Variants in SEMA3C observed in about 807,000 individuals in gnomAD.
SEMA3C encodes semaphorin-3C.
A neutral mutation model predicts 89.4 loss-of-function variants in SEMA3C; 47 were observed. The ratio of observed to expected loss-of-function variants is 0.53; its 90% CI spans 0.42 to 0.67. The LOEUF is 0.67. SEMA3C is among the 30% of genes least tolerant of loss of function. The probability of loss-of-function intolerance (pLI) is 0.00; values close to 1 mark genes in which losing one functional copy is unlikely to be tolerated. For missense variants in SEMA3C, 839 were observed against 929.1 expected (o/e 0.90, Z 1.26); for synonymous variants, 310 against 320.2 (o/e 0.97, Z 0.34).
At chr7:80,866,530 G>T (rs1412868451) in intron 2 of SEMA3C, among the ~76,000 whole-genome samples, 1 of 152,050 alleles carries the variant, frequency 6.6e-6, no homozygotes, top group African/African-American at 2.4e-5. Context: ...TGTGTCACTT[G>T]GTTAAGGCAT....
chr7:80,793,241 A>G (rs1216480866), intron 11 of SEMA3C: 1 of 188,834 alleles, frequency 5.3e-6, no homozygotes, highest in East Asian at 1.7e-4. Context: ...TAAGAATGCC[A>G]TGTTAGGAAA....
At chr7:80,863,749 C>T (rs527905443) in intron 2 of SEMA3C, among the ~76,000 whole-genome samples, 1 of 132,836 alleles carries the variant, frequency 7.5e-6, no homozygotes, top group South Asian at 2.4e-4. Context: ...TAGTAGTATT[C>T]CATCATATAT....
chr7:80,855,248 A>T (rs1337320215), intron 2 of SEMA3C, among the ~76,000 whole-genome samples: 2 of 152,116 alleles, frequency 1.3e-5, no homozygotes, highest in Non-Finnish European at 2.9e-5. Flanking sequence ...TCCTTGGAAA[A>T]CTATAATGGA....
chr7:80,765,889 G>A (rs541335765), intron 12 of SEMA3C, among the ~76,000 whole-genome samples: 52 of 152,162 alleles, frequency 3.4e-4, no homozygotes, highest in Non-Finnish European at 6.9e-4. Context: ...CAATACATAA[G>A]TTTAAGTTTG....
At chr7:80,913,661 G>C (rs1415196495) in intron 2 of SEMA3C, among the ~76,000 whole-genome samples, 1 of 152,126 alleles carries the variant, frequency 6.6e-6, no homozygotes, top group East Asian at 1.9e-4. Flanking sequence ...AATTACAAAA[G>C]AAAATATTAG....
chr7:80,902,574 T>C (rs1791907786), intron 2 of SEMA3C, among the ~76,000 whole-genome samples: 1 of 152,166 alleles, frequency 6.6e-6, no homozygotes, highest in South Asian at 2.1e-4. Context: ...AACTATAAAT[T>C]TCCATGGTCC....
At chr7:80,854,259 C>T (rs1790583060) in intron 2 of SEMA3C, among the ~76,000 whole-genome samples, 1 of 152,188 alleles carries the variant, frequency 6.6e-6, no homozygotes, top group African/African-American at 2.4e-5. Flanking sequence ...ATTTGTTCTT[C>T]TTTGCCCAGA....
chr7:80,789,690 T>A (rs1344876131), intron 11 of SEMA3C, among the ~76,000 whole-genome samples, 162 bp from the exon 12 acceptor site: 1 of 152,214 alleles, frequency 6.6e-6, no homozygotes, highest in Non-Finnish European at 1.5e-5. Flanking sequence ...TGTTTTACTA[T>A]CTGTAGATGA....
intron 2 of SEMA3C, among the ~76,000 whole-genome samples, chr7:80,851,176 A>T (rs945701083): frequency 6.6e-6 from 1 of 152,060 alleles, no homozygotes; most frequent in African/African-American, 2.4e-5. Context: ...TCAAGAGCTT[A>T]AATTTATTCA....
chr7:80,902,201 C>G (rs994008383), intron 2 of SEMA3C, among the ~76,000 whole-genome samples: 1 of 152,172 alleles, frequency 6.6e-6, no homozygotes, highest in African/African-American at 2.4e-5. Flanking sequence ...TATCTGCCCA[C>G]CTTGGCCTCT....
intron 2 of SEMA3C, among the ~76,000 whole-genome samples, chr7:80,829,162 G>C (rs1176762567): frequency 6.6e-6 from 1 of 151,492 alleles, no homozygotes; most frequent in African/African-American, 2.4e-5. Flanking sequence ...ACGAGACACT[G>C]CCTCAAAAAA....
intron 12 of SEMA3C, among the ~76,000 whole-genome samples, chr7:80,786,022 G>A (rs967822384): frequency 1.3e-5 from 2 of 152,162 alleles, no homozygotes; most frequent in African/African-American, 2.4e-5. Context: ...GGCTAAGCGC[G>A]CTACCATCTC....
In SEMA3C at chr7:80,802,832, C is replaced by A. The variant is rs1023025986; in HGVS notation, c.802-53G>T. 4 of 1,381,344 alleles carry A rather than the reference C, an allele frequency of 2.9e-6. No individual in the cohort carries two copies. The African/African-American group carries it at 5.7e-5, about 20-fold the overall frequency. 85.6% of individuals were successfully genotyped at this position (1,381,344 alleles called of 1,614,324 possible). On this transcript the variant is annotated intron_variant, in intron 8 of 17. Coordinates refer to ENST00000265361, the MANE Select transcript of SEMA3C (RefSeq NM_006379.5). ...GATTGCTTAAGTAAATATTGAAGCACATTAAAAATTCGACTTGTACTCTAG... is the reference window on the plus strand; with the variant it reads ...GATTGCTTAAGTAAATATTGAAGCAAATTAAAAATTCGACTTGTACTCTAG...
chr7:80,788,395 G>GT (rs1274148681), intron 12 of SEMA3C, among the ~76,000 whole-genome samples: 2 of 152,162 alleles, frequency 1.3e-5, no homozygotes, highest in African/African-American at 4.8e-5. Flanking sequence ...TGTGAAAGAC[G>GT]TGAGTAGTGG....
rs74539479 is a variant in SEMA3C at position 80,850,645 on chromosome 7, G to A, written c.104-21900C>T. Among the ~76,000 whole-genome samples, 542 of 152,258 alleles carry A rather than the reference G, an allele frequency of 3.6e-3. 10 individuals are homozygous for A. The highest frequency in any genetic ancestry group is 0.035 in the East Asian group (183 of 5,172). On this transcript the variant is annotated intron_variant, in intron 2 of 17. Coordinates refer to ENST00000265361, the MANE Select transcript of SEMA3C (RefSeq NM_006379.5). ...TCACCGGAGTGACAAAAAGGGTCTAGACATATTTTTCAGCCTGCACGGTAG... is the reference window on the plus strand; with the variant it reads ...TCACCGGAGTGACAAAAAGGGTCTAAACATATTTTTCAGCCTGCACGGTAG...
intron 8 of SEMA3C, among the ~76,000 whole-genome samples, chr7:80,803,428 G>A (rs940751439): frequency 1.3e-5 from 2 of 152,134 alleles, no homozygotes; most frequent in Non-Finnish European, 2.9e-5. Context: ...TGAGCTCCAT[G>A]ATCAGTGGAG....
chr7:80,863,293 A>G (rs1304738912), intron 2 of SEMA3C, among the ~76,000 whole-genome samples: 1 of 151,544 alleles, frequency 6.6e-6, no homozygotes, highest in Non-Finnish European at 1.5e-5. Context: ...CAAAACCACA[A>G]TGGAATACCA....
At position 80,805,621 on chromosome 7, in the gene SEMA3C, C is replaced by T. The variant is rs746419173; in HGVS notation, c.658+18G>A. On this transcript the variant is annotated intron_variant, in intron 7 of 17. Transcript: ENST00000265361. ...TTAACACGATACTAAAAAATAAATG[C>T]ATCAAATGCTTTCTTACCACTTAGC... 28 of 1,585,552 alleles carry T rather than the reference C, an allele frequency of 1.8e-5. No individual in the cohort carries two copies. The highest frequency in any genetic ancestry group is 2.3e-5 in the Non-Finnish European group (27 of 1,166,890).
chr7:80,905,779 A>C lies in SEMA3C; in HGVS notation c.103+10900T>G. 5 of 1,013,244 alleles carry C rather than the reference A, an allele frequency of 4.9e-6. No homozygotes were observed. In the South Asian group the frequency reaches 5.3e-5, roughly 11 times the overall value. 62.8% of individuals were successfully genotyped at this position (1,013,244 alleles called of 1,614,324 possible). On this transcript the variant is annotated intron_variant, in intron 2 of 17. Coordinates refer to ENST00000265361, the MANE Select transcript of SEMA3C (RefSeq NM_006379.5). ...TGTCTATGCTTCTTTTATGGTATGC[A>C]GCAGGGTTTGCCTGGTGTAATATTT...
Sources: gnomAD v4.1 joint callset for allele counts (sites outside exome capture counted in the v4.1 genomes callset) on GRCh38, gnomAD v4.1.1 for gene constraint, MANE v1.5 for transcripts, NCBI Gene and HGNC (gene_info 2026-07-23, HGNC 2026-07-21) for gene names.